PINK1: variants seen among roughly 807,000 people sequenced by gnomAD.
PINK1 encodes serine/threonine-protein kinase PINK1, mitochondrial.
Under a neutral mutation model 56.0 loss-of-function variants are expected in PINK1, and 58 were observed. The observed-to-expected ratio is 1.04, with a 90% CI of 0.84 to 1.29. The LOEUF (loss-of-function observed/expected upper bound fraction) is 1.29, where lower values mean the gene tolerates loss of function less well. Ranked by LOEUF, PINK1 falls within the 50% of genes most tolerant of loss-of-function variation. The probability of loss-of-function intolerance (pLI) is 0.00; values close to 1 mark genes in which losing one functional copy is unlikely to be tolerated. For missense variants in PINK1, 745 were observed against 777.9 expected, an observed-to-expected ratio of 0.96 and a Z score of 0.50; for synonymous variants, 354 against 339.3, an observed-to-expected ratio of 1.04 and a Z score of -0.48.
chr1:20,650,475 C>T lies in PINK1; in HGVS notation c.1530C>T (p.Ser510=), dbSNP rs367949045. The T allele has an allele frequency of 1.2e-6, 2 of 1,613,992 alleles. No individual in the cohort carries two copies. Among genetic ancestry groups the T allele is most frequent in the African/African-American group, 2.7e-5 (2 of 74,934 alleles). Residue 510 remains serine, a synonymous_variant, in exon 8 of 8, where the codon AGC becomes AGT. Transcript: ENST00000321556. ...TAGCCGCAAATGTGCTTCATCTAAGCCTCTGGGGTGAACATATTCTAGCCC... is the reference window on the plus strand; with the variant it reads ...TAGCCGCAAATGTGCTTCATCTAAGTCTCTGGGGTGAACATATTCTAGCCC... ...ARVAANVLHL[S]LWGEHILALK...
chr1:20,636,404 C>T (rs1329201674), intron 1 of PINK1, among the ~76,000 whole-genome samples: 1 of 151,566 alleles, frequency 6.6e-6, no homozygotes, highest in Non-Finnish European at 1.5e-5. Context: ...TGCAATGGCA[C>T]GATCTCAGCT....
chr1:20,635,473 C>T (rs1458626503), intron 1 of PINK1, among the ~76,000 whole-genome samples: 2 of 151,720 alleles, frequency 1.3e-5, no homozygotes, highest in South Asian at 2.1e-4. Flanking sequence ...TGCACTCCAG[C>T]CTGGGTGACA....
intron 5 of PINK1, among the ~76,000 whole-genome samples, chr1:20,646,879 T>C (rs139993098): frequency 3.7e-4 from 38 of 101,446 alleles, no homozygotes; most frequent in East Asian, 2.7e-3. Context: ...TATTTACTTA[T>C]TTATTTATTT....
intron 5 of PINK1, among the ~76,000 whole-genome samples, chr1:20,647,053 A>ATTTTTTTTT (rs71585775): frequency 1.5e-4 from 14 of 91,478 alleles, no homozygotes; most frequent in African/African-American, 1.7e-4. Context: ...CTAATTTTTG[A>ATTTTTTTTT]TTTTTTTTTT....
In PINK1 at chr1:20,650,447, G is replaced by A. The variant is rs61744200; in HGVS notation, c.1502G>A (p.Arg501Gln). 1.7e-3 allele frequency: 2,813 copies of A among 1,613,882 alleles called. 46 individuals are homozygous for A. The African/African-American group carries it at 0.033, about 19-fold the overall frequency. Residue 501 changes from arginine (R) to glutamine (Q), a missense_variant, in exon 8 of 8, where the codon CGA (arginine) becomes CAA (glutamine). Physicochemically the swap from Arg to Gln is conservative, Grantham distance 43 (BLOSUM62 1). Coordinates refer to ENST00000321556, the MANE Select transcript of PINK1 (RefSeq NM_032409.3). ...QREASKRPSA[R>Q]VAANVLHLSL... ...TTCCTGTTGCAGAGACCATCTGCCCGAGTAGCCGCAAATGTGCTTCATCTA... is the reference window on the plus strand; with the variant it reads ...TTCCTGTTGCAGAGACCATCTGCCCAAGTAGCCGCAAATGTGCTTCATCTA...
At chr1:20,645,217 G>A (rs529870420) in intron 4 of PINK1, among the ~76,000 whole-genome samples, 3 of 152,240 alleles carry the variant, frequency 2.0e-5, no homozygotes, top group African/African-American at 4.8e-5. Flanking sequence ...GGCCGGGAAT[G>A]GTGGCTGACG....
At chr1:20,644,915 C>G (rs1481212760) in intron 4 of PINK1, among the ~76,000 whole-genome samples, 1 of 152,204 alleles carries the variant, frequency 6.6e-6, no homozygotes, top group African/African-American at 2.4e-5. Flanking sequence ...TCCTTTTGGT[C>G]CATTTGACTG....
chr1:20,636,943 C>G (rs1375847462), intron 1 of PINK1, among the ~76,000 whole-genome samples: 1 of 152,212 alleles, frequency 6.6e-6, no homozygotes, highest in Non-Finnish European at 1.5e-5. Flanking sequence ...CACAGATAAC[C>G]TCCTGGGCAG....
intron 3 of PINK1, among the ~76,000 whole-genome samples, chr1:20,642,063 T>C (rs978166595): frequency 6.6e-6 from 1 of 152,158 alleles, no homozygotes; most frequent in Non-Finnish European, 1.5e-5. Flanking sequence ...CAGGGGCCAC[T>C]CAGGTTGACT....
rs34054663 is a variant in PINK1 at position 20,647,466 on chromosome 1, CTTTTTTTT to C, written c.1124-1024_1124-1017del. ...GCCACCACGCCCAGCTGGGAGTTGG[CTTTTTTTT>C]TTTTTTTTTTTTTTGAGACGGAGTC... On this transcript the variant is annotated intron_variant, in intron 5 of 7. Coordinates refer to ENST00000321556, the MANE Select transcript of PINK1 (RefSeq NM_032409.3). 4.1e-5 allele frequency among the ~76,000 whole-genome samples: 3 copies of C among 73,212 alleles called. No individual in the cohort carries two copies. In the South Asian group the frequency reaches 1.9e-3, roughly 45 times the overall value. 48.0% of individuals were successfully genotyped at this position (73,212 alleles called of 152,430 possible). A position where few individuals can be genotyped will look rare whatever the true frequency, so the allele number is the denominator to read the frequency against.
At chr1:20,648,454 T>G in intron 5 of PINK1, 51 bp from the exon 6 acceptor site, 1 of 1,612,280 alleles carries the variant, frequency 6.2e-7, no homozygotes, top group Non-Finnish European at 8.5e-7. Flanking sequence ...GGAGGGCCTC[T>G]CAGAGGGAAG....
intron 4 of PINK1, among the ~76,000 whole-genome samples, chr1:20,645,308 A>G (rs2053164398): frequency 6.6e-6 from 1 of 151,814 alleles, no homozygotes; most frequent in Non-Finnish European, 1.5e-5. Context: ...GGCCAACATG[A>G]TGAAACCCTG....
Position 20,633,517 on chromosome 1 carries a change from CGGCTGCGGG to C in PINK1, c.-28_-20del, listed in dbSNP as rs1268541564. ...GGGACGCCGGTGGTGGCGGCAGCGG[CGGCTGCGGG>C]GGCACCGGGCCGCGGCGCCACCATG... is the stretch of plus-strand genomic sequence containing the variant. On this transcript the variant is annotated 5_prime_UTR_variant, in exon 1 of 8. Transcript: ENST00000321556. 2.1e-5 allele frequency: 24 copies of C among 1,126,932 alleles called. No homozygotes were observed. The highest frequency in any genetic ancestry group is 7.5e-4 in the Middle Eastern group (2 of 2,662). The allele number at this position is 1,126,932 out of a possible 1,614,324, so 69.8% of individuals were successfully genotyped here. A position where few individuals can be genotyped will look rare whatever the true frequency, so the allele number is the denominator to read the frequency against.
Position 20,651,505 on chromosome 1 carries a change from C to T in PINK1, c.*814C>T, listed in dbSNP as rs1039271817. ...GTCAACATGCAGTAAAGGTTGTCTT[C>T]AACTGAGCTGTTCTAGTTTTCTCTT... On this transcript the variant is annotated 3_prime_UTR_variant, in exon 8 of 8. Transcript: ENST00000321556. The T allele has an allele frequency of 6.6e-6, 1 of 152,302 alleles. No individual in the cohort carries two copies. The highest frequency in any genetic ancestry group is 2.4e-5 in the African/African-American group (1 of 41,456). The allele number at this position is 152,302 out of a possible 1,614,324, so 9.4% of individuals were successfully genotyped here.
intron 5 of PINK1, among the ~76,000 whole-genome samples, chr1:20,645,999 C>T (rs1323479346): frequency 6.6e-6 from 1 of 152,088 alleles, no homozygotes; most frequent in African/African-American, 2.4e-5. Flanking sequence ...AGAGGCCCGG[C>T]ACAGTGGCTG....
intron 2 of PINK1, 143 bp downstream of exon 2, chr1:20,638,272 C>G: frequency 2.2e-6 from 2 of 890,672 alleles, no homozygotes; most frequent in Non-Finnish European, 3.4e-6. Context: ...GGTTACCTCC[C>G]CCTGTTACAC....
chr1:20,637,712 T>G (rs759834717), intron 1 of PINK1, 130 bp from the exon 2 acceptor site: 6 of 1,041,076 alleles, frequency 5.8e-6, no homozygotes, highest in Non-Finnish European at 8.8e-6. Context: ...GGTTGGGTTG[T>G]GTTTTTCTGG....
At chr1:20,644,745 T>C in intron 4 of PINK1, 73 bp downstream of exon 4, 7 of 1,558,970 alleles carry the variant, frequency 4.5e-6, no homozygotes, top group Non-Finnish European at 6.1e-6. Context: ...GCCCTCCATG[T>C]GCACCTTGAT....
At chr1:20,650,374 G>T (rs1026284739) in intron 7 of PINK1, 60 bp from the exon 8 acceptor site, 26 of 1,605,428 alleles carry the variant, frequency 1.6e-5, no homozygotes, top group Non-Finnish European at 2.2e-5. Context: ...TAACAAAGCA[G>T]GCTTTGGGTT....
Sources: gnomAD v4.1 joint callset for allele counts (sites outside exome capture counted in the v4.1 genomes callset) on GRCh38, gnomAD v4.1.1 for gene constraint, MANE v1.5 for transcripts, NCBI Gene and HGNC (gene_info 2026-07-23, HGNC 2026-07-21) for gene names.